Variants in BICD1 observed in about 807,000 individuals in gnomAD.
BICD1 encodes the protein BICD cargo adaptor 1, also known as protein bicaudal D homolog 1.
A neutral mutation model predicts 92.5 loss-of-function variants in BICD1; 35 were observed. The observed-to-expected ratio is 0.38, with a 90% CI of 0.29 to 0.50. The LOEUF is 0.50. Among genes scored for constraint, BICD1 ranks in the 20% least tolerant of loss-of-function variants. The pLI is 0.93. For missense variants in BICD1, 950 were observed against 1,189.8 expected, an observed-to-expected ratio of 0.80 and a Z score of 2.97; for synonymous variants, 429 against 465.1, an observed-to-expected ratio of 0.92 and a Z score of 1.00.
At position 32,243,264 on chromosome 12, in the gene BICD1, A is replaced by ATTTTTTTTTTTTTTTTTTTTTTTTT. The variant is rs71068310; in HGVS notation, c.426+26826_426+26827insTTTTTTTTTTTTTTTTTTTTTTTTT. On this transcript the variant is annotated intron_variant, in intron 2 of 9. Coordinates refer to ENST00000652176, the MANE Select transcript of BICD1 (RefSeq NM_001714.4). ...AGGCACGCCCCACCATGCCTGGCTA[A>ATTTTTTTTTTTTTTTTTTTTTTTTT]TTTTTTTTTTTTTTTTTTTTTGTAT... Among the ~76,000 whole-genome samples the ATTTTTTTTTTTTTTTTTTTTTTTTT allele has an allele frequency of 2.2e-4, 16 of 74,034 alleles. 1 individual carries two copies. The highest frequency in any genetic ancestry group is 8.2e-3 in the Middle Eastern group (1 of 122). 48.6% of individuals were successfully genotyped at this position (74,034 alleles called of 152,430 possible). A position where few individuals can be genotyped will look rare whatever the true frequency, so the allele number is the denominator to read the frequency against.
At chr12:32,349,430 A>C (rs909176218) in intron 8 of BICD1, among the ~76,000 whole-genome samples, 5 of 152,186 alleles carry the variant, frequency 3.3e-5, no homozygotes, top group African/African-American at 4.8e-5. Context: ...TAGGTTAACC[A>C]ACTACTTCCC....
chr12:32,165,366 A>T (rs1943725145), intron 1 of BICD1, among the ~76,000 whole-genome samples: 2 of 152,094 alleles, frequency 1.3e-5, no homozygotes, highest in Non-Finnish European at 2.9e-5. Context: ...ATACAAAAAA[A>T]TTAGACGGGC....
chr12:32,302,203 T>A (rs1453268856), intron 3 of BICD1, among the ~76,000 whole-genome samples: 4 of 152,186 alleles, frequency 2.6e-5, no homozygotes, highest in African/African-American at 7.2e-5. Context: ...TTGATTTTTT[T>A]AAAAAAGAAA....
chr12:32,121,929 T>G (rs1039821954), intron 1 of BICD1, among the ~76,000 whole-genome samples: 3 of 151,574 alleles, frequency 2.0e-5, no homozygotes, highest in Non-Finnish European at 2.9e-5. Context: ...TCCTCCTGCC[T>G]CAGCCTCCTG....
At chr12:32,108,780 A>G (rs1941587984) in intron 1 of BICD1, 1 of 587,478 alleles carries the variant, frequency 1.7e-6, no homozygotes, top group East Asian at 2.9e-5. Context: ...TGTACTACCT[A>G]TGATTAAAAA....
rs187548223 is a variant in BICD1 at position 32,328,961 on chromosome 12, C to G, written c.2100+406C>G. On this transcript the variant is annotated intron_variant, in intron 5 of 9. Transcript: ENST00000652176. This position sits in a 1 kb window ranked among gnomAD's most constrained non-coding sequence, Gnocchi z 4.4. ...TACAGCAAGAAAGACAAACACCCAG[C>G]AGGCAGCTAGAGCAAACAGAGGGAA... 2.0e-5 allele frequency among the ~76,000 whole-genome samples: 3 copies of G among 152,236 alleles called. No homozygotes were observed. Among genetic ancestry groups the G allele is most frequent in the Admixed American group, 2.0e-4 (3 of 15,284 alleles).
At chr12:32,201,925 C>A (rs1944916216) in intron 1 of BICD1, among the ~76,000 whole-genome samples, 1 of 152,140 alleles carries the variant, frequency 6.6e-6, no homozygotes, top group Non-Finnish European at 1.5e-5. Flanking sequence ...GCTTGCTGAG[C>A]ACATATACTT....
intron 1 of BICD1, among the ~76,000 whole-genome samples, chr12:32,209,999 C>T (rs1244758895): frequency 9.2e-5 from 14 of 152,170 alleles, no homozygotes; most frequent in Admixed American, 8.5e-4. Flanking sequence ...GATACGTCAT[C>T]GCAGAAAGTT....
At chr12:32,340,562 A>G in intron 8 of BICD1, 1 of 872,760 alleles carries the variant, frequency 1.1e-6, no homozygotes, top group South Asian at 5.3e-5. Flanking sequence ...AATTAAAAAG[A>G]TAACATCTCA....
At chr12:32,220,614 G>A (rs1469891850) in intron 2 of BICD1, among the ~76,000 whole-genome samples, 1 of 149,298 alleles carries the variant, frequency 6.7e-6, no homozygotes. Context: ...GAGAGGATGT[G>A]GAGAAATAGG....
intron 3 of BICD1, among the ~76,000 whole-genome samples, chr12:32,303,180 C>T (rs1208644984): frequency 2.6e-5 from 4 of 152,072 alleles, no homozygotes; most frequent in African/African-American, 9.6e-5. Context: ...AGCAATTCAC[C>T]GAGATTACAG....
At chr12:32,255,746 A>G (rs1199461092) in intron 2 of BICD1, among the ~76,000 whole-genome samples, 1 of 152,092 alleles carries the variant, frequency 6.6e-6, no homozygotes, top group Non-Finnish European at 1.5e-5. Flanking sequence ...GCTCATTCTC[A>G]TCATTCAGGT....
At chr12:32,207,436 T>C (rs949239165) in intron 1 of BICD1, among the ~76,000 whole-genome samples, 6 of 152,312 alleles carry the variant, frequency 3.9e-5, no homozygotes, top group African/African-American at 1.2e-4. Context: ...GTATGGAAAA[T>C]ATGATATGCT....
Position 32,301,396 on chromosome 12 carries a change from G to T in BICD1, c.580-4301G>T, listed in dbSNP as rs188606661. Among the ~76,000 whole-genome samples, 245 of 152,264 alleles carry T rather than the reference G, an allele frequency of 1.6e-3. 1 individual carries two copies. Among genetic ancestry groups the T allele is most frequent in the African/African-American group, 5.1e-3 (210 of 41,562 alleles). ...AAAGGTTGTTTGCTCGGTGGAAAAG[G>T]TTGGAGAGAGTCAGTCACAGGGCAG... is the stretch of plus-strand genomic sequence containing the variant. On this transcript the variant is annotated intron_variant, in intron 3 of 9. Transcript: ENST00000652176.
chr12:32,367,564 T>C, intron 8 of BICD1, 106 bp from the exon 9 acceptor site: 1 of 1,000,346 alleles, frequency 1.0e-6, no homozygotes, highest in South Asian at 1.4e-5. Flanking sequence ...TCTGTGTGAA[T>C]GCACATTCCT....
chr12:32,318,115 C>T (rs1387712829), intron 4 of BICD1, among the ~76,000 whole-genome samples: 2 of 151,770 alleles, frequency 1.3e-5, no homozygotes, highest in Non-Finnish European at 3.0e-5. Flanking sequence ...GTTACTGTAG[C>T]CTTGTAGTAT....
intron 2 of BICD1, among the ~76,000 whole-genome samples, chr12:32,235,348 C>T (rs1037922822): frequency 1.1e-4 from 16 of 152,178 alleles, no homozygotes; most frequent in African/African-American, 3.9e-4. Context: ...GAAACTAGGC[C>T]TGAAGAGGAA....
intron 1 of BICD1, among the ~76,000 whole-genome samples, chr12:32,119,839 C>A (rs1181705587): frequency 6.6e-6 from 1 of 151,650 alleles, no homozygotes; most frequent in Non-Finnish European, 1.5e-5. Context: ...ACACTTCACT[C>A]CAGCTTGGGC....
chr12:32,239,006 G>C (rs1946157295), intron 2 of BICD1, among the ~76,000 whole-genome samples: 1 of 151,306 alleles, frequency 6.6e-6, no homozygotes, highest in African/African-American at 2.4e-5. Context: ...CAGCACTTTG[G>C]GAGGCCGAGG....
Sources: allele counts gnomAD v4.1 joint callset (sites outside exome capture counted in the v4.1 genomes callset), GRCh38; gene constraint gnomAD v4.1.1; non-coding constraint Gnocchi (gnomAD v3.1); transcripts MANE v1.5; gene names NCBI Gene and HGNC (gene_info 2026-07-23, HGNC 2026-07-21).